Variants in DOCK3 observed in about 807,000 individuals in gnomAD.
The protein encoded by DOCK3 is dedicator of cytokinesis protein 3.
Under a neutral mutation model 265.6 loss-of-function variants are expected in DOCK3, and 60 were observed. The observed-to-expected ratio is 0.23, with a 90% CI of 0.18 to 0.28. The LOEUF (loss-of-function observed/expected upper bound fraction) is 0.28, where lower values mean the gene tolerates loss of function less well. DOCK3 is among the 10% of genes least tolerant of loss of function. The probability of loss-of-function intolerance (pLI) is 1.00; values close to 1 mark genes in which losing one functional copy is unlikely to be tolerated. For synonymous variants in DOCK3, 881 were observed against 938.0 expected, an observed-to-expected ratio of 0.94 and a Z score of 1.11; for missense variants, 1,981 against 2,594.3, an observed-to-expected ratio of 0.76 and a Z score of 5.14.
chr3:51,356,554 G>A, intron 43 of DOCK3, 61 bp downstream of exon 43: 2 of 1,547,586 alleles, frequency 1.3e-6, no homozygotes, highest in Non-Finnish European at 1.8e-6. Flanking sequence ...CAGCTCTGGG[G>A]GCCCTTCTCT....
chr3:51,073,097 G>A (rs962552059), intron 6 of DOCK3, among the ~76,000 whole-genome samples: 5 of 152,116 alleles, frequency 3.3e-5, no homozygotes, highest in African/African-American at 2.4e-5. Context: ...TATATTTATA[G>A]ATCTCAAATG....
intron 4 of DOCK3, among the ~76,000 whole-genome samples, chr3:50,904,535 G>A (rs2107841189): frequency 6.6e-6 from 1 of 152,268 alleles, no homozygotes; most frequent in South Asian, 2.1e-4. Context: ...ATTTTTTCAT[G>A]TGTCTGTTGG....
At chr3:50,792,528 T>C (rs1286331822) in intron 2 of DOCK3, among the ~76,000 whole-genome samples, 1 of 152,218 alleles carries the variant, frequency 6.6e-6, no homozygotes, top group Admixed American at 6.5e-5. Context: ...CTCTGTCTTG[T>C]GCCGGTTTTC....
intron 5 of DOCK3, among the ~76,000 whole-genome samples, chr3:51,042,929 T>A (rs557230036): frequency 1.3e-5 from 2 of 151,860 alleles, no homozygotes; most frequent in African/African-American, 4.8e-5. Flanking sequence ...AAACCACTGC[T>A]CAAAGAAATC....
chr3:51,113,047 A>G (rs924234765), intron 9 of DOCK3, among the ~76,000 whole-genome samples: 1 of 152,068 alleles, frequency 6.6e-6, no homozygotes, highest in African/African-American at 2.4e-5. Context: ...CTTCTTGTTT[A>G]TTTATTCAAA....
intron 32 of DOCK3, 102 bp downstream of exon 32, chr3:51,315,230 G>A: frequency 1.5e-6 from 2 of 1,366,494 alleles, no homozygotes; most frequent in Non-Finnish European, 1.9e-6. Flanking sequence ...GGGATGGGCT[G>A]TAGTTTGGCT....
intron 3 of DOCK3, among the ~76,000 whole-genome samples, chr3:50,849,248 T>A (rs1421333307): frequency 6.6e-6 from 1 of 151,472 alleles, no homozygotes; most frequent in Admixed American, 6.6e-5. Flanking sequence ...TTACTAGAGC[T>A]GGTTTCGAAT....
rs1365486169 is a variant in DOCK3, at chr3:51,228,052, C to T, written c.1611C>T (p.Thr537=). The change falls in exon 17 of 53, where the codon ACC becomes ACT. Residue 537 remains threonine, a synonymous_variant. Transcript: ENST00000266037. ...CCCTGATGCGTGATGATGGCACCAC[C>T]CTCTCAGATGATATTCACGAGCTTT... ...FSTLMRDDGT[T]LSDDIHELYV... 3 of 1,613,998 alleles carry T rather than the reference C, an allele frequency of 1.9e-6. No homozygotes were observed. The highest frequency in any genetic ancestry group is 1.7e-6 in the Non-Finnish European group (2 of 1,179,894).
At chr3:51,096,792 T>A (rs2082875581) in intron 9 of DOCK3, among the ~76,000 whole-genome samples, 1 of 152,236 alleles carries the variant, frequency 6.6e-6, no homozygotes, top group South Asian at 2.1e-4. Flanking sequence ...CTACCTTTGA[T>A]CTTTGATGTT....
chr3:50,742,391 C>G (rs2039108728), intron 1 of DOCK3, among the ~76,000 whole-genome samples: 1 of 152,102 alleles, frequency 6.6e-6, no homozygotes, highest in Non-Finnish European at 1.5e-5. Context: ...GACGATCAAA[C>G]TACTCCGAGC....
chr3:51,154,324 T>A (rs569075507), intron 10 of DOCK3, among the ~76,000 whole-genome samples: 10 of 152,260 alleles, frequency 6.6e-5, no homozygotes, highest in African/African-American at 2.2e-4. Flanking sequence ...TAGGAGATAA[T>A]GCAAGGAGAA....
chr3:51,292,456 CAACA>C (rs1463484021), intron 27 of DOCK3, among the ~76,000 whole-genome samples: 1 of 152,014 alleles, frequency 6.6e-6, no homozygotes, highest in Non-Finnish European at 1.5e-5. Flanking sequence ...TATACAATAA[CAACA>C]AACTGTCTAA....
intron 1 of DOCK3, among the ~76,000 whole-genome samples, chr3:50,720,525 T>G (rs1321778216): frequency 6.6e-6 from 1 of 152,262 alleles, no homozygotes; most frequent in African/African-American, 2.4e-5. Context: ...CACATTTTCT[T>G]TATCCAGTCT....
intron 12 of DOCK3, among the ~76,000 whole-genome samples, chr3:51,182,049 T>C (rs2087328564): frequency 6.6e-6 from 1 of 152,182 alleles, no homozygotes; most frequent in Non-Finnish European, 1.5e-5. Context: ...GCAAAGTCTG[T>C]TTTTTTAACT....
chr3:50,816,323 CTTTT>C (rs68016163), intron 2 of DOCK3, among the ~76,000 whole-genome samples: 1 of 88,732 alleles, frequency 1.1e-5, no homozygotes. Context: ...TCTTGTAACT[CTTTT>C]TTTTTTTTTT....
intron 23 of DOCK3, among the ~76,000 whole-genome samples, chr3:51,269,109 C>CTG (rs2080354466): frequency 6.7e-6 from 1 of 148,950 alleles, no homozygotes; most frequent in East Asian, 1.9e-4. Context: ...CTCTCTCTCT[C>CTG]TCTCTCACTG....
intron 10 of DOCK3, among the ~76,000 whole-genome samples, chr3:51,152,202 T>C (rs1415689531): frequency 6.6e-6 from 1 of 152,200 alleles, no homozygotes; most frequent in African/African-American, 2.4e-5. Flanking sequence ...TTTTACTTTT[T>C]TTTTCTCTAA....
chr3:50,825,704 C>T (rs1368372909), intron 2 of DOCK3, among the ~76,000 whole-genome samples: 1 of 152,130 alleles, frequency 6.6e-6, no homozygotes, highest in African/African-American at 2.4e-5. Context: ...CCAGTCCTTT[C>T]CCCTTTCAAG....
At position 51,338,413 on chromosome 3, in the gene DOCK3, C is replaced by A. The variant is rs771371248; in HGVS notation, c.3666C>A (p.Asn1222Lys). 1.3e-6 allele frequency: 2 copies of A among 1,551,856 alleles called. No homozygotes were observed. The highest frequency in any genetic ancestry group is 2.4e-5 in the South Asian group (2 of 84,062). ...TENKKIGCTV[N>K]LMNFYKSEIN... is the part of the protein sequence containing the mutation. The stretch of plus-strand genomic sequence containing the variant: ...ATAAGAAGATAGGCTGCACTGTTAA[C>A]CTGATGGTGAGAGGACATGGGCCCT... The change falls in exon 36 of 53, where the codon AAC becomes AAA. Residue 1222 changes from asparagine (N) to lysine (K), a missense_variant. This residue lies in a region of DOCK3 where 1,357 missense variants were observed against 1,866.8 expected (regional missense o/e 0.73). Coordinates refer to ENST00000266037, the MANE Select transcript of DOCK3 (RefSeq NM_004947.5).
Sources: allele counts gnomAD v4.1 joint callset (sites outside exome capture counted in the v4.1 genomes callset), GRCh38; gene constraint gnomAD v4.1.1; regional missense constraint gnomAD v4.1.1; transcripts MANE v1.5; gene names NCBI Gene and HGNC (gene_info 2026-07-23, HGNC 2026-07-21).